Variants in AFF3 observed in about 807,000 individuals in gnomAD.
AFF3 encodes the protein ALF transcription elongation factor 3.
In AFF3, 32 loss-of-function variants were observed where a neutral mutation model predicts 129.7. The observed-to-expected ratio is 0.25, with a 90% CI of 0.19 to 0.33. AFF3 has a LOEUF of 0.33. Among genes scored for constraint, AFF3 ranks in the 10% least tolerant of loss-of-function variants. The pLI, the probability that AFF3 is intolerant of heterozygous loss-of-function variation, is 1.00. For synonymous variants in AFF3, 644 were observed against 635.4 expected, an observed-to-expected ratio of 1.01 and a Z score of -0.20; for missense variants, 1,373 against 1,592.0, an observed-to-expected ratio of 0.86 and a Z score of 2.34.
chr2:99,607,951 C>T (rs562891468), intron 13 of AFF3, among the ~76,000 whole-genome samples: 3 of 152,146 alleles, frequency 2.0e-5, no homozygotes, highest in African/African-American at 4.8e-5. Context: ...TTTGCTATTG[C>T]TAAGAATTGT....
chr2:99,844,627 G>A (rs1689592931), intron 7 of AFF3, among the ~76,000 whole-genome samples: 1 of 151,360 alleles, frequency 6.6e-6, no homozygotes, highest in Non-Finnish European at 1.5e-5. Context: ...TAGAGATGAT[G>A]TTTCACCATG....
chr2:99,775,053 G>A (rs554085604), intron 8 of AFF3, among the ~76,000 whole-genome samples: 78 of 152,224 alleles, frequency 5.1e-4, no homozygotes, highest in African/African-American at 1.8e-3. Flanking sequence ...ATCATCTCAC[G>A]TCAGTCAGAA....
intron 8 of AFF3, among the ~76,000 whole-genome samples, chr2:99,763,276 T>A (rs1389994415): frequency 6.6e-6 from 1 of 152,238 alleles, no homozygotes; most frequent in Non-Finnish European, 1.5e-5. Flanking sequence ...AACCTTTAAG[T>A]TGGCCTCTAA....
At chr2:99,864,053 C>A (rs997454996) in intron 7 of AFF3, among the ~76,000 whole-genome samples, 1 of 152,178 alleles carries the variant, frequency 6.6e-6, no homozygotes. Context: ...GAGTCCTGAG[C>A]AATAATTCAC....
rs763656451 is a variant in AFF3, at chr2:99,821,687, G to A, written c.921+15790C>T. Among the ~76,000 whole-genome samples, 20 of 152,302 alleles carry A rather than the reference G, an allele frequency of 1.3e-4. No homozygotes were observed. In the Middle Eastern group the frequency reaches 0.01, roughly 78 times the overall value. On this transcript the variant is annotated intron_variant, in intron 8 of 24. Coordinates refer to ENST00000672756, the MANE Select transcript of AFF3 (RefSeq NM_001386135.1). ...TTCTGTATTGGACATACCTGTATGTGCTGGGCTTTTATCCGACTGGAAGCA... is the reference window on the plus strand; with the variant it reads ...TTCTGTATTGGACATACCTGTATGTACTGGGCTTTTATCCGACTGGAAGCA...
At chr2:99,858,382 C>CAAA (rs34454669) in intron 7 of AFF3, among the ~76,000 whole-genome samples, 30 of 82,416 alleles carry the variant, frequency 3.6e-4, no homozygotes, top group African/African-American at 1.1e-3. Flanking sequence ...CCTGTTTCTA[C>CAAA]AAAAAAAAAA....
intron 11 of AFF3, among the ~76,000 whole-genome samples, chr2:99,722,282 T>C (rs1678961758): frequency 6.6e-6 from 1 of 152,232 alleles, no homozygotes; most frequent in Non-Finnish European, 1.5e-5. Flanking sequence ...ATGGGTCACA[T>C]TTTCCCACTC....
chr2:99,939,689 G>A (rs908177456), intron 7 of AFF3, among the ~76,000 whole-genome samples: 5 of 152,214 alleles, frequency 3.3e-5, no homozygotes, highest in Non-Finnish European at 7.3e-5. Flanking sequence ...ATACAGGAAT[G>A]TATATGGCGA....
At chr2:99,733,426 T>G (rs1458487974) in intron 10 of AFF3, among the ~76,000 whole-genome samples, 1 of 151,548 alleles carries the variant, frequency 6.6e-6, no homozygotes. Flanking sequence ...ACAAAACTTT[T>G]CCCAGTGTTA....
intron 2 of AFF3, among the ~76,000 whole-genome samples, chr2:100,116,779 T>A (rs1691752192): frequency 6.6e-6 from 1 of 152,148 alleles, no homozygotes; most frequent in African/African-American, 2.4e-5. Flanking sequence ...GCACCTCTGG[T>A]CTTCCATTTA....
At chr2:99,910,575 C>G (rs1695038165) in intron 7 of AFF3, among the ~76,000 whole-genome samples, 1 of 152,200 alleles carries the variant, frequency 6.6e-6, no homozygotes, top group Non-Finnish European at 1.5e-5. Context: ...TGTAATAGTG[C>G]AAACAGGAAT....
intron 14 of AFF3, among the ~76,000 whole-genome samples, chr2:99,594,594 G>C (rs972105361): frequency 1.3e-5 from 2 of 152,114 alleles, no homozygotes; most frequent in African/African-American, 4.8e-5. Context: ...TTGAGTGTTA[G>C]TATAAATTTT....
chr2:100,067,838 A>G (rs1346513937), intron 4 of AFF3, among the ~76,000 whole-genome samples: 1 of 152,186 alleles, frequency 6.6e-6, no homozygotes, highest in African/African-American at 2.4e-5. Flanking sequence ...TGGGTCTCCA[A>G]ACTCTCTGCT....
chr2:100,105,201 C>T (rs1357483969), intron 3 of AFF3: 1 of 666,358 alleles, frequency 1.5e-6, no homozygotes, highest in Non-Finnish European at 2.0e-6. Flanking sequence ...GCACTTCTCC[C>T]GCGGCCCAGA....
chr2:99,745,930 A>G (rs1437507264), intron 9 of AFF3, among the ~76,000 whole-genome samples: 1 of 152,256 alleles, frequency 6.6e-6, no homozygotes, highest in Admixed American at 6.5e-5. Context: ...TGGGTATGCA[A>G]AGGCACATAG....
intron 8 of AFF3, among the ~76,000 whole-genome samples, chr2:99,761,816 G>A (rs572685484): frequency 4.1e-4 from 63 of 152,210 alleles, no homozygotes; most frequent in Non-Finnish European, 6.8e-4. Flanking sequence ...CACTTACTAT[G>A]TCACCTTTGT....
chr2:99,792,373 G>A (rs2105451157), intron 8 of AFF3, among the ~76,000 whole-genome samples: 1 of 152,280 alleles, frequency 6.6e-6, no homozygotes, highest in African/African-American at 2.4e-5. Flanking sequence ...TTGGAAGGCT[G>A]AGGTGGGAGG....
intron 11 of AFF3, among the ~76,000 whole-genome samples, chr2:99,690,499 A>G (rs1270477557): frequency 2.0e-5 from 3 of 152,112 alleles, no homozygotes; most frequent in African/African-American, 7.2e-5. Flanking sequence ...CAATCTTTAA[A>G]GTTCATTGTC....
chr2:99,601,924 T>C (rs1679876071), intron 13 of AFF3, among the ~76,000 whole-genome samples: 2 of 152,226 alleles, frequency 1.3e-5, no homozygotes, highest in South Asian at 2.1e-4. Context: ...GCTGTTTCCA[T>C]TTTGCTGCTG....
Sources: allele counts gnomAD v4.1 joint callset (sites outside exome capture counted in the v4.1 genomes callset), GRCh38; gene constraint gnomAD v4.1.1; transcripts MANE v1.5; gene names NCBI Gene and HGNC (gene_info 2026-07-23, HGNC 2026-07-21).